The following RBFOX1 variants were observed in gnomAD, a reference collection of about 807,000 sequenced individuals.
The protein encoded by RBFOX1 is RNA binding protein fox-1 homolog 1.
Under a neutral mutation model 57.7 loss-of-function variants are expected in RBFOX1, and 8 were observed. The observed-to-expected ratio is 0.14, with a 90% CI of 0.08 to 0.25. RBFOX1 has a LOEUF of 0.25. Ranked by LOEUF, RBFOX1 falls within the 10% of genes least tolerant of loss-of-function variation. The probability of loss-of-function intolerance (pLI) is 1.00; values close to 1 mark genes in which losing one functional copy is unlikely to be tolerated. For missense variants in RBFOX1, 611 were observed against 548.5 expected, an observed-to-expected ratio of 1.11 and a Z score of -1.14; for synonymous variants, 326 against 222.4, an observed-to-expected ratio of 1.47 and a Z score of -4.15.
At chr16:6,871,270 C>A (rs1021803135) in intron 3 of RBFOX1, among the ~76,000 whole-genome samples, 3 of 152,168 alleles carry the variant, frequency 2.0e-5, no homozygotes, top group Non-Finnish European at 4.4e-5. Flanking sequence ...ACTCTAACCT[C>A]CCCCTCCTGG....
intron 4 of RBFOX1, among the ~76,000 whole-genome samples, chr16:7,144,435 T>TTTTTTC (rs1408965875): frequency 6.8e-6 from 1 of 147,528 alleles, no homozygotes; most frequent in Non-Finnish European, 1.5e-5. Flanking sequence ...TTTTTTTTTT[T>TTTTTTC]TTTGAGTCAG....
intron 12 of RBFOX1, among the ~76,000 whole-genome samples, chr16:7,658,388 A>G (rs1191613424): frequency 6.6e-6 from 1 of 152,194 alleles, no homozygotes; most frequent in Non-Finnish European, 1.5e-5. Flanking sequence ...AGTAGGGAAC[A>G]GTCACAGAGC....
At chr16:7,344,424 A>G (rs2096955555) in intron 4 of RBFOX1, among the ~76,000 whole-genome samples, 1 of 150,020 alleles carries the variant, frequency 6.7e-6, no homozygotes, top group Non-Finnish European at 1.5e-5. Context: ...AATATATGCA[A>G]TAATATGTAT....
intron 2 of RBFOX1, among the ~76,000 whole-genome samples, chr16:6,649,519 C>T (rs952732843): frequency 5.3e-5 from 8 of 152,144 alleles, no homozygotes; most frequent in East Asian, 1.9e-4. Flanking sequence ...CACCACTCCC[C>T]GACACTTTCC....
intron 11 of RBFOX1, among the ~76,000 whole-genome samples, chr16:7,652,746 G>C (rs2006721): frequency 0.51 from 77,927 of 152,010 alleles, 20,347 homozygotes; most frequent in East Asian, 0.78. Flanking sequence ...CAGACTTATC[G>C]CGTATTTGTA....
chr16:6,976,060 G>C (rs567126598), intron 3 of RBFOX1, among the ~76,000 whole-genome samples: 7 of 152,252 alleles, frequency 4.6e-5, no homozygotes, highest in Admixed American at 4.6e-4. Flanking sequence ...CCAGTAGGTG[G>C]AGGTTTCAAT....
At chr16:5,705,697 C>G (rs2051219343) in intron 3 of RBFOX1, among the ~76,000 whole-genome samples, 1 of 152,150 alleles carries the variant, frequency 6.6e-6, no homozygotes, top group Non-Finnish European at 1.5e-5. Context: ...CATAGGACCT[C>G]TCATCATCCT....
At chr16:7,337,076 G>A (rs2096801943) in intron 4 of RBFOX1, among the ~76,000 whole-genome samples, 1 of 152,130 alleles carries the variant, frequency 6.6e-6, no homozygotes, top group Non-Finnish European at 1.5e-5. Flanking sequence ...CGGGTCTTAG[G>A]TAAGAAATTG....
chr16:6,319,250 C>G (rs796821645), intron 2 of RBFOX1, among the ~76,000 whole-genome samples: 1 of 152,078 alleles, frequency 6.6e-6, no homozygotes, highest in African/African-American at 2.4e-5. Context: ...TTTGATATGT[C>G]CATTGGCTTC....
chr16:5,372,614 C>G, intron 1 of RBFOX1, among the ~76,000 whole-genome samples: 1 of 152,142 alleles, frequency 6.6e-6, no homozygotes, highest in East Asian at 1.9e-4. Context: ...GAGCAGGGCT[C>G]AGGTCTCTCT....
intron 2 of RBFOX1, among the ~76,000 whole-genome samples, chr16:6,581,667 C>T (rs923286525): frequency 6.6e-6 from 1 of 152,186 alleles, no homozygotes; most frequent in African/African-American, 2.4e-5. Context: ...GATCCCCAAG[C>T]TGCTAAGGGG....
chr16:7,358,543 C>G (rs906652586), intron 4 of RBFOX1, among the ~76,000 whole-genome samples: 1 of 152,134 alleles, frequency 6.6e-6, no homozygotes, highest in Non-Finnish European at 1.5e-5. Context: ...GCCTCAGCCT[C>G]CCTAGCAGCT....
intron 2 of RBFOX1, among the ~76,000 whole-genome samples, chr16:5,505,728 G>C (rs2043355560): frequency 6.6e-6 from 1 of 152,192 alleles, no homozygotes; most frequent in African/African-American, 2.4e-5. Context: ...GGAAGCGGGA[G>C]AGGGAAGAGA....
At chr16:7,471,086 A>T (rs2061471872) in intron 4 of RBFOX1, among the ~76,000 whole-genome samples, 3 of 152,318 alleles carry the variant, frequency 2.0e-5, no homozygotes, top group Admixed American at 1.3e-4. Flanking sequence ...TGTTCTTCCC[A>T]ACCAGTCTCT....
intron 4 of RBFOX1, among the ~76,000 whole-genome samples, chr16:5,914,388 C>T (rs1301712248): frequency 6.6e-6 from 1 of 152,166 alleles, no homozygotes; most frequent in Non-Finnish European, 1.5e-5. Context: ...ATGCTGTCAG[C>T]CAGGGCTGCA....
chr16:5,530,555 A>T (rs1383136192), intron 2 of RBFOX1, among the ~76,000 whole-genome samples: 1 of 151,804 alleles, frequency 6.6e-6, no homozygotes, highest in East Asian at 1.9e-4. Context: ...AGCGTTTCTT[A>T]ACATCTACAC....
chr16:6,914,703 A>G (rs1234152534), intron 3 of RBFOX1, among the ~76,000 whole-genome samples: 1 of 152,184 alleles, frequency 6.6e-6, no homozygotes, highest in East Asian at 1.9e-4. Flanking sequence ...GCAAGATCCC[A>G]TCTGTACCAA....
At chr16:7,255,512 A>G (rs1040040911) in intron 4 of RBFOX1, among the ~76,000 whole-genome samples, 2 of 152,214 alleles carry the variant, frequency 1.3e-5, no homozygotes, top group Admixed American at 6.5e-5. Context: ...CAAGATGTCC[A>G]GCTTATATTT....
chr16:6,271,922 G>A (rs913578194), intron 1 of RBFOX1, among the ~76,000 whole-genome samples: 1 of 152,018 alleles, frequency 6.6e-6, no homozygotes, highest in African/African-American at 2.4e-5. Context: ...AAACAGGAGA[G>A]AAATAAGAAC....
Sources: allele counts gnomAD v4.1 joint callset (sites outside exome capture counted in the v4.1 genomes callset), GRCh38; gene constraint gnomAD v4.1.1; transcripts MANE v1.5; gene names NCBI Gene and HGNC (gene_info 2026-07-23, HGNC 2026-07-21).